ZCCHC7: variants seen among roughly 807,000 people sequenced by gnomAD.
ZCCHC7 encodes zinc finger CCHC-type containing 7, also known as zinc finger CCHC domain-containing protein 7.
In ZCCHC7, 35 loss-of-function variants were observed where a neutral mutation model predicts 52.0. That is an observed-to-expected ratio of 0.67 (90% CI 0.51 to 0.89). ZCCHC7 has a LOEUF of 0.89. Among genes scored for constraint, ZCCHC7 ranks in the 40% least tolerant of loss-of-function variants. The probability of loss-of-function intolerance (pLI) is 0.00; values close to 1 mark genes in which losing one functional copy is unlikely to be tolerated. For missense variants in ZCCHC7, 574 were observed against 649.1 expected (o/e 0.88, Z 1.26); for synonymous variants, 217 against 221.5 (o/e 0.98, Z 0.18).
At chr9:37,217,935 A>G (rs1183252422) in intron 2 of ZCCHC7, among the ~76,000 whole-genome samples, 1 of 152,214 alleles carries the variant, frequency 6.6e-6, no homozygotes, top group Non-Finnish European at 1.5e-5. Flanking sequence ...CTTATGGCCT[A>G]TCAGTAGTTA....
chr9:37,213,894 A>C (rs1428615860), intron 2 of ZCCHC7, among the ~76,000 whole-genome samples: 1 of 152,088 alleles, frequency 6.6e-6, no homozygotes, highest in African/African-American at 2.4e-5. Flanking sequence ...GTGCAGAGTA[A>C]ATCAACAACA....
chr9:37,236,430 T>G (rs937288992), intron 2 of ZCCHC7, among the ~76,000 whole-genome samples: 8 of 152,044 alleles, frequency 5.3e-5, no homozygotes, highest in African/African-American at 1.9e-4. Flanking sequence ...TTTGCTCTGT[T>G]GCCCAGGCTG....
At chr9:37,131,620 A>G (rs116091951) in intron 2 of ZCCHC7, among the ~76,000 whole-genome samples, 7,717 of 152,266 alleles carry the variant, frequency 0.051, 640 homozygotes, top group African/African-American at 0.17. Context: ...ACTCAAGCCT[A>G]GGCGACAGAG....
intron 2 of ZCCHC7, among the ~76,000 whole-genome samples, chr9:37,217,923 T>C (rs1824597638): frequency 6.6e-6 from 1 of 152,242 alleles, no homozygotes. Flanking sequence ...GGAAATTCTC[T>C]GCTTATGGCC....
In ZCCHC7 at chr9:37,327,487, T is replaced by C. The variant is rs144249329; in HGVS notation, c.952-312T>C. 1,491 of 286,930 alleles carry C rather than the reference T, an allele frequency of 5.2e-3. 11 individuals carry two copies. The highest frequency in any genetic ancestry group is 0.01 in the Admixed American group (214 of 20,758). 17.8% of individuals were successfully genotyped at this position (286,930 alleles called of 1,614,324 possible). On this transcript the variant is annotated intron_variant, in intron 5 of 8. Transcript: ENST00000336755. The stretch of plus-strand genomic sequence containing the variant: ...GGTGAGTTTTATTGATTTTGACCAC[T>C]GCTGTTCATTTATCAGTTTAACTGA...
At chr9:37,137,401 A>G (rs1843041997) in intron 2 of ZCCHC7, among the ~76,000 whole-genome samples, 1 of 152,262 alleles carries the variant, frequency 6.6e-6, no homozygotes, top group Non-Finnish European at 1.5e-5. Context: ...AGCCCTTAGT[A>G]GAAACTGAAG....
At chr9:37,242,320 A>G (rs1166995456) in intron 2 of ZCCHC7, among the ~76,000 whole-genome samples, 1 of 151,800 alleles carries the variant, frequency 6.6e-6, no homozygotes, top group Non-Finnish European at 1.5e-5. Flanking sequence ...GTTTTTCTCT[A>G]GCATCTAAGG....
intron 6 of ZCCHC7, among the ~76,000 whole-genome samples, chr9:37,341,834 G>A (rs1208376773): frequency 3.3e-5 from 5 of 152,090 alleles, no homozygotes; most frequent in Non-Finnish European, 7.4e-5. Flanking sequence ...GCGCTGAGGT[G>A]GAAGTTTGTC....
chr9:37,187,897 TA>T (rs1327425585), intron 2 of ZCCHC7, among the ~76,000 whole-genome samples: 1 of 152,174 alleles, frequency 6.6e-6, no homozygotes, highest in Non-Finnish European at 1.5e-5. Context: ...TGTTAGAACT[TA>T]AAAATACTAT....
intron 2 of ZCCHC7, among the ~76,000 whole-genome samples, chr9:37,291,006 T>A (rs528219117): frequency 4.1e-4 from 62 of 152,342 alleles, no homozygotes; most frequent in African/African-American, 1.4e-3. Flanking sequence ...TACATCATCC[T>A]TCACTTTTAT....
chr9:37,138,415 A>G (rs1469365499), intron 2 of ZCCHC7, among the ~76,000 whole-genome samples: 2 of 152,150 alleles, frequency 1.3e-5, no homozygotes, highest in Non-Finnish European at 2.9e-5. Flanking sequence ...CTGTGATTTC[A>G]CTGTAGATCA....
chr9:37,198,218 C>T (rs1404859612), intron 2 of ZCCHC7, among the ~76,000 whole-genome samples: 1 of 152,150 alleles, frequency 6.6e-6, no homozygotes, highest in Non-Finnish European at 1.5e-5. Context: ...AAAAAAGCTT[C>T]TATTCATCCT....
intron 5 of ZCCHC7, among the ~76,000 whole-genome samples, chr9:37,308,997 A>G: frequency 6.6e-6 from 1 of 150,628 alleles, no homozygotes; most frequent in Non-Finnish European, 1.5e-5. Context: ...AAAAAAAAAA[A>G]CAGCCTGGGC....
intron 2 of ZCCHC7, among the ~76,000 whole-genome samples, chr9:37,264,908 G>A (rs1338422916): frequency 6.6e-6 from 1 of 152,176 alleles, no homozygotes; most frequent in Admixed American, 6.5e-5. Context: ...CCCTTCTAAT[G>A]TTTAGGAGTT....
At chr9:37,218,055 G>T (rs937891955) in intron 2 of ZCCHC7, among the ~76,000 whole-genome samples, 2 of 152,078 alleles carry the variant, frequency 1.3e-5, no homozygotes, top group African/African-American at 4.8e-5. Flanking sequence ...AAATTTAGCA[G>T]TAGCCTATGA....
chr9:37,229,983 A>G (rs1825319118), intron 2 of ZCCHC7, among the ~76,000 whole-genome samples: 1 of 152,186 alleles, frequency 6.6e-6, no homozygotes, highest in Admixed American at 6.5e-5. Flanking sequence ...AGAAGCACAC[A>G]TTAGCCTAGG....
intron 2 of ZCCHC7, among the ~76,000 whole-genome samples, chr9:37,206,373 G>A (rs994290486): frequency 2.7e-5 from 4 of 145,924 alleles, no homozygotes; most frequent in African/African-American, 5.1e-5. Flanking sequence ...TTCCCGCTTC[G>A]TTTTGGCAGG....
rs146301342 is a variant in ZCCHC7 at position 37,335,096 on chromosome 9, C to T, written c.987+7262C>T. Among the ~76,000 whole-genome samples the T allele has an allele frequency of 3.9e-3, 590 of 152,056 alleles. 14 individuals carry two copies. Among genetic ancestry groups the T allele is most frequent in the Admixed American group, 0.035 (538 of 15,242 alleles). On this transcript the variant is annotated intron_variant, in intron 6 of 8. Coordinates refer to ENST00000336755, the MANE Select transcript of ZCCHC7 (RefSeq NM_032226.3). ...ACATCCATTTTACATAGATATGTTTCTTTACATTGATTTGTGGATTACCCC... is the reference window on the plus strand; with the variant it reads ...ACATCCATTTTACATAGATATGTTTTTTTACATTGATTTGTGGATTACCCC...
chr9:37,349,778 G>A (rs892180681), intron 7 of ZCCHC7, among the ~76,000 whole-genome samples: 2 of 152,070 alleles, frequency 1.3e-5, no homozygotes, highest in Non-Finnish European at 2.9e-5. Context: ...CACCGCCATA[G>A]CATGATTTTA....
Sources: gnomAD v4.1 joint callset for allele counts (sites outside exome capture counted in the v4.1 genomes callset) on GRCh38, gnomAD v4.1.1 for gene constraint, MANE v1.5 for transcripts, NCBI Gene and HGNC (gene_info 2026-07-23, HGNC 2026-07-21) for gene names.